The following PCDHA2 variants were observed in gnomAD, a reference collection of about 807,000 sequenced individuals.
The protein encoded by PCDHA2 is protocadherin alpha 2, also known as protocadherin alpha-2.
Under a neutral mutation model 66.0 loss-of-function variants are expected in PCDHA2, and 58 were observed. The observed-to-expected ratio is 0.88, with a 90% CI of 0.71 to 1.09. PCDHA2 has a LOEUF of 1.09. Ranked by LOEUF, PCDHA2 falls within the 50% of genes least tolerant of loss-of-function variation. PCDHA2 has a pLI of 0.00. For missense variants in PCDHA2, 1,267 were observed against 1,242.3 expected (o/e 1.02, Z -0.30); for synonymous variants, 634 against 554.0 (o/e 1.14, Z -2.03).
intron 1 of PCDHA2, among the ~76,000 whole-genome samples, chr5:140,912,180 T>C (rs2075805933): frequency 6.6e-6 from 1 of 152,168 alleles, no homozygotes; most frequent in South Asian, 2.1e-4. Flanking sequence ...TGGCAGCTGA[T>C]TAGATTGTGC....
At chr5:140,842,073 T>C (rs2150328918) in intron 1 of PCDHA2, 1 of 1,613,862 alleles carries the variant, frequency 6.2e-7, no homozygotes, top group Non-Finnish European at 8.5e-7. Flanking sequence ...GAAGTAAGAA[T>C]ATTCGAAAAC....
At chr5:140,842,322 G>A in intron 1 of PCDHA2, 1 of 1,607,612 alleles carries the variant, frequency 6.2e-7, no homozygotes, top group Non-Finnish European at 8.5e-7. Flanking sequence ...GCGGGTCATT[G>A]CACCGTTTTA....
At chr5:140,911,316 A>G (rs1308533373) in intron 1 of PCDHA2, among the ~76,000 whole-genome samples, 1 of 152,186 alleles carries the variant, frequency 6.6e-6, no homozygotes, top group African/African-American at 2.4e-5. Context: ...TCCAAGTTTC[A>G]GGATCCCATT....
At chr5:140,915,258 A>T (rs2077046977) in intron 1 of PCDHA2, among the ~76,000 whole-genome samples, 1 of 151,928 alleles carries the variant, frequency 6.6e-6, no homozygotes, top group South Asian at 2.1e-4. Context: ...GGTTGTTATT[A>T]TTTTTGACCA....
intron 1 of PCDHA2, chr5:140,809,404 G>C: frequency 6.2e-7 from 1 of 1,614,214 alleles, no homozygotes; most frequent in Admixed American, 1.7e-5. Context: ...AGCCCACGCT[G>C]GTGTGCTCCA....
chr5:140,985,298 C>T (rs770798262), intron 3 of PCDHA2, among the ~76,000 whole-genome samples: 1 of 152,124 alleles, frequency 6.6e-6, no homozygotes, highest in Non-Finnish European at 1.5e-5. Context: ...ATAGTGTTGG[C>T]TGATAGCCTG....
chr5:140,821,706 T>A (rs1767033084), intron 1 of PCDHA2: 3 of 1,441,004 alleles, frequency 2.1e-6, no homozygotes, highest in Non-Finnish European at 1.9e-6. Flanking sequence ...TATAGTTAAT[T>A]GGGAATTGAA....
chr5:140,839,000 A>G (rs190109951), intron 1 of PCDHA2, among the ~76,000 whole-genome samples: 4 of 152,212 alleles, frequency 2.6e-5, no homozygotes, highest in Admixed American at 2.6e-4. Flanking sequence ...ATTCTAATAT[A>G]CTTTAGTAAA....
intron 1 of PCDHA2, among the ~76,000 whole-genome samples, chr5:140,898,131 T>C (rs371489317): frequency 6.6e-6 from 1 of 152,156 alleles, no homozygotes; most frequent in Non-Finnish European, 1.5e-5. Context: ...TTCTCCCATT[T>C]TGTAGGTTGC....
intron 1 of PCDHA2, chr5:140,852,618 T>A (rs1455728241): frequency 1.1e-6 from 1 of 941,332 alleles, no homozygotes; most frequent in Admixed American, 6.4e-5. Context: ...AAAACTTGAG[T>A]GGTCTCTGAG....
intron 1 of PCDHA2, chr5:140,883,871 G>C: frequency 1.9e-6 from 3 of 1,613,242 alleles, no homozygotes; most frequent in Non-Finnish European, 2.5e-6. Context: ...GCAGTTCCAG[G>C]TGAGCGCGCG....
rs781807025 is a variant in PCDHA2, at chr5:140,872,165, CTT to C, written c.2388+74824_2388+74825del. Among the ~76,000 whole-genome samples the C allele has an allele frequency of 5.6e-3, 809 of 144,322 alleles. 4 individuals are homozygous for C. Among genetic ancestry groups the C allele is most frequent in the Middle Eastern group, 0.014 (4 of 276 alleles). 94.7% of individuals were successfully genotyped at this position (144,322 alleles called of 152,430 possible). On this transcript the variant is annotated intron_variant, in intron 1 of 3. Transcript: ENST00000526136. The stretch of plus-strand genomic sequence containing the variant: ...CATTAGTATGACATGATTTACTTTT[CTT>C]TTTTTTTTTTACAGTGTTAAACGTT...
intron 3 of PCDHA2, 167 bp from the exon 4 acceptor site, chr5:141,009,456 CAAAT>C (rs2098408902): frequency 8.4e-6 from 8 of 947,642 alleles, no homozygotes; most frequent in African/African-American, 3.5e-5. Context: ...AAAAATTAAA[CAAAT>C]AAATAAATAA....
chr5:140,850,863 T>C lies in PCDHA2; in HGVS notation c.2388+53511T>C, dbSNP rs2150500955. 38 of 1,592,804 alleles carry C rather than the reference T, an allele frequency of 2.4e-5. 2 individuals are homozygous for C. Among genetic ancestry groups the C allele is most frequent in the Non-Finnish European group, 3.2e-5 (37 of 1,163,928 alleles). On this transcript the variant is annotated intron_variant, in intron 1 of 3. Transcript: ENST00000526136. ...ATCTACAGAGCGAACGGGAGAACCC[T>C]CTGCTTCCTCAGATTCAACTGGGAA...
intron 1 of PCDHA2, chr5:140,836,622 A>AGCTGGTCATTCTCCCAGCAGAGGCG (rs2150266108): frequency 1.2e-6 from 2 of 1,613,448 alleles, no homozygotes; most frequent in Non-Finnish European, 1.7e-6. Context: ...CGCGGTGGGG[A>AGCTGGTCATTCTCCCAGCAGAGGCG]GCTGGTCATT....
intron 1 of PCDHA2, chr5:140,850,726 C>T (rs781908002): frequency 6.3e-7 from 1 of 1,597,804 alleles, no homozygotes; most frequent in Non-Finnish European, 8.6e-7. Flanking sequence ...TGTTCTAGCG[C>T]GGTGGGGAGT....
Position 140,805,532 on chromosome 5 carries a change from G to T in PCDHA2, c.2388+8180G>T, listed in dbSNP as rs1171916304. On this transcript the variant is annotated intron_variant, in intron 1 of 3. Transcript: ENST00000526136. Reference sequence around the variant, plus strand: ...GATTTTTTGTTTAGACAAACAGGATGAAAATAACTTTATGGATATAGGAGG... The same window carrying T: ...GATTTTTTGTTTAGACAAACAGGATTAAAATAACTTTATGGATATAGGAGG... 3 of 986,114 alleles carry T rather than the reference G, an allele frequency of 3.0e-6. No individual in the cohort carries two copies. In the African/African-American group the frequency reaches 5.2e-5, roughly 17 times the overall value. 61.1% of individuals were successfully genotyped at this position (986,114 alleles called of 1,614,324 possible). A position where few individuals can be genotyped will look rare whatever the true frequency, so the allele number is the denominator to read the frequency against.
At chr5:140,995,698 G>T (rs963042409) in intron 3 of PCDHA2, among the ~76,000 whole-genome samples, 1 of 152,104 alleles carries the variant, frequency 6.6e-6, no homozygotes, top group African/African-American at 2.4e-5. Context: ...TTAAATAAAG[G>T]GCTGGGCTTG....
At position 140,836,167 on chromosome 5, in the gene PCDHA2, G is replaced by T. The variant is rs2150254555; in HGVS notation, c.2388+38815G>T. 3.1e-6 allele frequency: 5 copies of T among 1,613,848 alleles called. No homozygotes were observed. Among genetic ancestry groups the T allele is most frequent in the Non-Finnish European group, 4.2e-6 (5 of 1,179,798 alleles). ...GCGGGCCATGTGGTGGCGAAGGTAC[G>T]TGCAGTTGACGCTGACTCAGGCTAC... On this transcript the variant is annotated intron_variant, in intron 1 of 3. Coordinates refer to ENST00000526136, the MANE Select transcript of PCDHA2 (RefSeq NM_018905.3).
Sources: allele counts gnomAD v4.1 joint callset (sites outside exome capture counted in the v4.1 genomes callset), GRCh38; gene constraint gnomAD v4.1.1; transcripts MANE v1.5; gene names NCBI Gene and HGNC (gene_info 2026-07-23, HGNC 2026-07-21).